LETM2: variants seen among roughly 807,000 people sequenced by gnomAD.
The protein encoded by LETM2 is LETM1 domain-containing protein LETM2, mitochondrial.
LETM2 carries 58 observed loss-of-function variants against 59.6 expected under a neutral mutation model. The ratio of observed to expected loss-of-function variants is 0.97; its 90% CI spans 0.79 to 1.21. The LOEUF (loss-of-function observed/expected upper bound fraction) is 1.21, where lower values mean the gene tolerates loss of function less well. Among genes scored for constraint, LETM2 ranks in the 50% most tolerant of loss-of-function variants. The probability of loss-of-function intolerance (pLI) is 0.00; values close to 1 mark genes in which losing one functional copy is unlikely to be tolerated. For missense variants in LETM2, 572 were observed against 575.7 expected, an observed-to-expected ratio of 0.99 and a Z score of 0.07; for synonymous variants, 199 against 214.1, an observed-to-expected ratio of 0.93 and a Z score of 0.62.
chr8:38,391,300 GTTTT>G (rs761566202), intron 2 of LETM2, among the ~76,000 whole-genome samples: 1 of 109,164 alleles, frequency 9.2e-6, no homozygotes, highest in Non-Finnish European at 1.9e-5. Flanking sequence ...TTTTATTTTA[GTTTT>G]TTTTTTTTTT....
chr8:38,387,176 C>T (rs1220758403), intron 1 of LETM2: 2 of 152,266 alleles, frequency 1.3e-5, no homozygotes, highest in Non-Finnish European at 2.9e-5. Flanking sequence ...CACCACCCAC[C>T]GTTAGTGTGG....
At position 38,408,569 on chromosome 8, in the gene LETM2, A is replaced by C; in HGVS notation, c.*295A>C. The stretch of plus-strand genomic sequence containing the variant: ...ATGTTGTTTTTTTAGTTTCATGTGT[A>C]CGTCCCTTCAGAGAGGAAATTTTTT... On this transcript the variant is annotated 3_prime_UTR_variant, in exon 11 of 11. Coordinates refer to ENST00000379957, the MANE Select transcript of LETM2 (RefSeq NM_001286819.2). 1 of 260,732 alleles carries C rather than the reference A, an allele frequency of 3.8e-6. No homozygotes were observed. Among genetic ancestry groups the C allele is most frequent in the Non-Finnish European group, 7.5e-6 (1 of 133,764 alleles). The allele number at this position is 260,732 out of a possible 1,614,324, so 16.2% of individuals were successfully genotyped here.
chr8:38,387,879 C>G (rs1384787074), intron 1 of LETM2, 71 bp from the exon 2 acceptor site: 2 of 685,638 alleles, frequency 2.9e-6, no homozygotes, highest in Non-Finnish European at 2.5e-6. Context: ...GTTAAAAACA[C>G]TAAAATCCTG....
chr8:38,385,133 C>T (rs1217517866), upstream of LETM2, among the ~76,000 whole-genome samples: 1 of 152,210 alleles, frequency 6.6e-6, no homozygotes, highest in Non-Finnish European at 1.5e-5. Flanking sequence ...GAACATCAGA[C>T]ATGCACAAAG....
At chr8:38,384,179 T>G (rs1811684894), upstream of LETM2, among the ~76,000 whole-genome samples, 1 of 152,142 alleles carries the variant, frequency 6.6e-6, no homozygotes, top group South Asian at 2.1e-4. Flanking sequence ...TTCTTCCTCC[T>G]GTGTCTTCCT....
At position 38,393,169 on chromosome 8, in the gene LETM2, G is replaced by A. The variant is rs145933931; in HGVS notation, c.501+174G>A. 46 of 587,660 alleles carry A rather than the reference G, an allele frequency of 7.8e-5. No homozygotes were observed. The East Asian group carries it at 1.3e-3, about 16-fold the overall frequency. The allele number at this position is 587,660 out of a possible 1,614,324, so 36.4% of individuals were successfully genotyped here. On this transcript the variant is annotated intron_variant, in intron 3 of 10. Transcript: ENST00000379957. ...CCGACTTACTGTACAACTTTAGTCA[G>A]TATTCTGAAATTTGTTATATATTTT...
intron 10 of LETM2, chr8:38,407,994 A>C (rs1366592064): frequency 2.0e-6 from 1 of 504,160 alleles, no homozygotes; most frequent in Non-Finnish European, 3.6e-6. Flanking sequence ...CAGAGAATCT[A>C]TGAAGACACA....
At chr8:38,397,861 C>T (rs546014440) in intron 4 of LETM2, among the ~76,000 whole-genome samples, 4 of 152,134 alleles carry the variant, frequency 2.6e-5, no homozygotes, top group African/African-American at 4.8e-5. Flanking sequence ...ACTTGAAGGC[C>T]GGGCGTGGTG....
rs956954561 is a variant in LETM2, at chr8:38,400,407, C to G, written c.781C>G (p.Gln261Glu). The G allele has an allele frequency of 7.6e-6, 12 of 1,570,262 alleles. No individual in the cohort carries two copies. The African/African-American group carries it at 1.6e-4, about 21-fold the overall frequency. The change falls in exon 5 of 11, where the codon CAG (glutamine) becomes GAG (glutamate). Residue 261 changes from glutamine to glutamate, a missense_variant and splice_region_variant. Physicochemically the swap from Gln to Glu is conservative, Grantham distance 29 (BLOSUM62 2). Transcript: ENST00000379957. The part of the protein sequence containing the change: ...ASTQLSSYVK[Q>E]VQTGHKPSTK... ...TACACAGCTCTCATCCTACGTGAAGCAGGTGTCCATCTTTTATGTAATGCC... is the reference window on the plus strand; with the variant it reads ...TACACAGCTCTCATCCTACGTGAAGGAGGTGTCCATCTTTTATGTAATGCC...
At chr8:38,396,938 C>A in intron 4 of LETM2, 4 of 310,122 alleles carry the variant, frequency 1.3e-5, no homozygotes, top group East Asian at 9.5e-5. Flanking sequence ...ATAAAGAAAA[C>A]AGAAATCCAC....
chr8:38,391,206 A>AAC (rs1333517434), intron 2 of LETM2, among the ~76,000 whole-genome samples: 23 of 144,288 alleles, frequency 1.6e-4, no homozygotes, highest in African/African-American at 5.8e-4. Flanking sequence ...AAACAAAAAA[A>AAC]AAAACCAAAA....
intron 6 of LETM2, among the ~76,000 whole-genome samples, chr8:38,402,307 G>A (rs1429720004): frequency 6.6e-6 from 1 of 152,216 alleles, no homozygotes; most frequent in Non-Finnish European, 1.5e-5. Flanking sequence ...TTGGGAAGGA[G>A]TTGTGTAAAT....
At chr8:38,391,156 T>A (rs780930181) in intron 2 of LETM2, among the ~76,000 whole-genome samples, 30 of 120,484 alleles carry the variant, frequency 2.5e-4, no homozygotes, top group Non-Finnish European at 3.5e-4. Flanking sequence ...CCAGCCTGGG[T>A]GACAGAGTGA....
At chr8:38,404,719 C>T in intron 8 of LETM2, 1 of 494,282 alleles carries the variant, frequency 2.0e-6, no homozygotes, top group Non-Finnish European at 3.7e-6. Context: ...GTGGCTTACG[C>T]CTGTAATCCC....
At position 38,392,907 on chromosome 8, in the gene LETM2, A is replaced by C. The variant is rs780716788; in HGVS notation, c.413A>C (p.Tyr138Ser). Reference protein sequence around the residue: ...DELKYYYNGFYLLWIDAKVAA... With the variant: ...DELKYYYNGFSLLWIDAKVAA... ...CTAAAATATTATTACAATGGATTCTACTTACTTTGGATTGACGCCAAAGTT... is the reference window on the plus strand; with the variant it reads ...CTAAAATATTATTACAATGGATTCTCCTTACTTTGGATTGACGCCAAAGTT... The change falls in exon 3 of 11, where the codon TAC becomes TCC. Residue 138 changes from tyrosine to serine, a missense_variant. Coordinates refer to ENST00000379957, the MANE Select transcript of LETM2 (RefSeq NM_001286819.2). The C allele has an allele frequency of 3.1e-6, 5 of 1,613,574 alleles. No individual in the cohort carries two copies. Among genetic ancestry groups the C allele is most frequent in the Non-Finnish European group, 4.2e-6 (5 of 1,180,034 alleles).
intron 10 of LETM2, among the ~76,000 whole-genome samples, chr8:38,407,730 T>A (rs1347608640): frequency 6.6e-6 from 1 of 152,232 alleles, no homozygotes; most frequent in Non-Finnish European, 1.5e-5. Context: ...TTTTCTTATG[T>A]GCCAGGTGGA....
chr8:38,392,467 T>A (rs192212708), intron 2 of LETM2, 75 bp from the exon 3 acceptor site: 379 of 900,672 alleles, frequency 4.2e-4, no homozygotes, highest in Non-Finnish European at 6.0e-4. Flanking sequence ...ATTTCTTTAA[T>A]AATATGTGCT....
At chr8:38,385,146 A>T (rs751847630), upstream of LETM2, among the ~76,000 whole-genome samples, 6 of 152,192 alleles carry the variant, frequency 3.9e-5, no homozygotes, top group African/African-American at 1.4e-4. Context: ...GCACAAAGAG[A>T]CCTCTAGTGG....
chr8:38,387,111 G>T (rs920617715), intron 1 of LETM2: 4 of 152,248 alleles, frequency 2.6e-5, no homozygotes, highest in African/African-American at 9.6e-5. Context: ...GCCCGGGAGC[G>T]CCCGGGCCCG....
Sources: allele counts gnomAD v4.1 joint callset (sites outside exome capture counted in the v4.1 genomes callset), GRCh38; gene constraint gnomAD v4.1.1; transcripts MANE v1.5; gene names NCBI Gene and HGNC (gene_info 2026-07-23, HGNC 2026-07-21).